NCOR1: variants seen among roughly 807,000 people sequenced by gnomAD.
NCOR1 encodes protein phosphatase 1, regulatory subunit 109.
In NCOR1, 63 loss-of-function variants were observed where a neutral mutation model predicts 288.1. The ratio of observed to expected loss-of-function variants is 0.22; its 90% CI spans 0.18 to 0.27. The LOEUF (loss-of-function observed/expected upper bound fraction) is 0.27. Ranked by LOEUF, NCOR1 falls within the 10% of genes least tolerant of loss-of-function variation. The pLI, the probability that NCOR1 is intolerant of heterozygous loss-of-function variation, is 1.00. For missense variants in NCOR1, 2,397 were observed against 3,019.2 expected (o/e 0.79, Z 4.83); for synonymous variants, 1,007 against 1,065.9 (o/e 0.94, Z 1.08).
chr17:16,196,848 A>C (rs2089933484), intron 1 of NCOR1, among the ~76,000 whole-genome samples: 1 of 146,046 alleles, frequency 6.8e-6, no homozygotes, highest in Non-Finnish European at 1.5e-5. Context: ...AAAGAAAAGA[A>C]AAAAAAAAGA....
chr17:16,146,634 T>C, intron 9 of NCOR1, 86 bp from the exon 10 acceptor site: 1 of 1,216,646 alleles, frequency 8.2e-7, no homozygotes, highest in Middle Eastern at 2.1e-4. Flanking sequence ...ATGCTACTTC[T>C]TAAGGTTAAG....
At chr17:16,123,797 C>T (rs1473575912) in intron 15 of NCOR1, among the ~76,000 whole-genome samples, 9 of 152,168 alleles carry the variant, frequency 5.9e-5, no homozygotes, top group Non-Finnish European at 1.3e-4. Context: ...CTTAACTGGT[C>T]GTCTGTTGAC....
rs750454347 is a variant in NCOR1 at position 16,143,618 on chromosome 17, G to C, written c.1161C>G (p.Leu387=). The C allele has an allele frequency of 1.2e-6, 2 of 1,612,998 alleles. No homozygotes were observed. The highest frequency in any genetic ancestry group is 1.7e-6 in the Non-Finnish European group (2 of 1,179,092). Residue 387 remains leucine (L), a synonymous_variant, in exon 11 of 46, where the codon CTC becomes CTG. Coordinates refer to ENST00000268712, the MANE Select transcript of NCOR1 (RefSeq NM_006311.4). The part of the protein sequence containing the change: ...EHEISEIIDG[L]SEQENNEKQM... ...TTTATTTTCTTACCTCCTGCTCAGA[G>C]AGCCCATCAATAATTTCAGAAATCT...
chr17:16,110,432 T>A (rs894908919), intron 18 of NCOR1, among the ~76,000 whole-genome samples: 5 of 152,206 alleles, frequency 3.3e-5, no homozygotes, highest in African/African-American at 1.2e-4. Flanking sequence ...TTCTGCAAAG[T>A]ATGTTTATGC....
chr17:16,114,167 A>C (rs1342540760), intron 18 of NCOR1, among the ~76,000 whole-genome samples: 1 of 119,624 alleles, frequency 8.4e-6, no homozygotes, highest in Non-Finnish European at 1.9e-5. Flanking sequence ...AAAAAAAAAA[A>C]AACTTGTGCA....
chr17:16,101,804 A>C, intron 19 of NCOR1, 47 bp from the exon 20 acceptor site: 1 of 1,605,810 alleles, frequency 6.2e-7, no homozygotes, highest in Non-Finnish European at 8.5e-7. Context: ...TATTTTCTGC[A>C]CCTTAAAGAT....
chr17:16,046,433 TC>T (rs746665803), intron 42 of NCOR1, among the ~76,000 whole-genome samples: 2 of 152,190 alleles, frequency 1.3e-5, no homozygotes, highest in Non-Finnish European at 2.9e-5. Flanking sequence ...ATTATACTAC[TC>T]TATTTTGTAT....
At chr17:16,140,189 T>G (rs1031310296) in intron 11 of NCOR1, among the ~76,000 whole-genome samples, 6 of 152,168 alleles carry the variant, frequency 3.9e-5, no homozygotes, top group Admixed American at 3.9e-4. Flanking sequence ...TACAGATGTT[T>G]CCTCATGGAA....
chr17:16,091,879 T>C lies in NCOR1; in HGVS notation c.3000A>G (p.Pro1000=), dbSNP rs2065235424. The change falls in exon 22 of 46, where the codon CCA becomes CCG. Residue 1000 remains proline (P), a synonymous_variant. Coordinates refer to ENST00000268712, the MANE Select transcript of NCOR1 (RefSeq NM_006311.4). ...STSPCGTSKS[P]NREWEVLQPA... ...TCTACCTACCTTCCCACTCTCTGTT[T>C]GGACTCTTGGATGTGCCACATGGAC... 1.2e-6 allele frequency: 2 copies of C among 1,614,200 alleles called. No individual in the cohort carries two copies. Among genetic ancestry groups the C allele is most frequent in the Non-Finnish European group, 1.7e-6 (2 of 1,180,034 alleles).
In NCOR1 at chr17:16,095,134, G is replaced by A. The variant is rs542381155; in HGVS notation, c.2821-3076C>T. On this transcript the variant is annotated intron_variant, in intron 21 of 45. Coordinates refer to ENST00000268712, the MANE Select transcript of NCOR1 (RefSeq NM_006311.4). ...TGGGAAGTGAGCAGCGCCTCTTCCC[G>A]GCCGCCATCCCATCTAGGAAGTGAG... is the stretch of plus-strand genomic sequence containing the variant. 7.4e-3 allele frequency among the ~76,000 whole-genome samples: 1,110 copies of A among 150,948 alleles called. 13 individuals carry two copies. The highest frequency in any genetic ancestry group is 9.7e-3 in the African/African-American group (398 of 40,980).
intron 23 of NCOR1, among the ~76,000 whole-genome samples, chr17:16,086,029 ATGCCAAG>A: frequency 6.6e-6 from 1 of 152,356 alleles, no homozygotes; most frequent in South Asian, 2.1e-4. Flanking sequence ...ACCAAGTGGT[ATGCCAAG>A]TGCCAAGTGT....
intron 42 of NCOR1, 146 bp from the exon 43 acceptor site, chr17:16,040,640 A>G: frequency 1.3e-6 from 1 of 795,482 alleles, no homozygotes; most frequent in South Asian, 1.6e-5. Flanking sequence ...TGAAGATAAA[A>G]TGGAAGTATT....
At chr17:16,129,375 C>T (rs796176590) in intron 14 of NCOR1, among the ~76,000 whole-genome samples, 2 of 152,176 alleles carry the variant, frequency 1.3e-5, no homozygotes, top group South Asian at 2.1e-4. Flanking sequence ...GAGAACTGTA[C>T]CTACTATTCT....
chr17:16,109,169 A>G (rs557636485), intron 18 of NCOR1, among the ~76,000 whole-genome samples: 1 of 152,228 alleles, frequency 6.6e-6, no homozygotes, highest in South Asian at 2.1e-4. Flanking sequence ...TCACCACTAT[A>G]CATGTATAAA....
At chr17:16,211,682 GA>G (rs901053765) in intron 1 of NCOR1, among the ~76,000 whole-genome samples, 33 of 146,104 alleles carry the variant, frequency 2.3e-4, no homozygotes, top group East Asian at 1.4e-3. Flanking sequence ...CAAATGCAAA[GA>G]AAAAAAAAAT....
chr17:16,215,480 A>AGCCGCC lies in NCOR1; in HGVS notation c.-195_-190dup, dbSNP rs897883523. On this transcript the variant is annotated 5_prime_UTR_variant, in exon 1 of 46. Transcript: ENST00000268712. ...GCGCGGCGAGTCGGACGCTCACTCC[A>AGCCGCC]GCCGCCGCCGCCGCCGCGGCTGCTG... 3.0e-5 allele frequency: 12 copies of AGCCGCC among 398,196 alleles called. No homozygotes were observed. In the South Asian group the frequency reaches 6.4e-4, roughly 21 times the overall value. 24.7% of individuals were successfully genotyped at this position (398,196 alleles called of 1,614,324 possible). A position where few individuals can be genotyped will look rare whatever the true frequency, so the allele number is the denominator to read the frequency against.
At chr17:16,112,664 T>C (rs1429174589) in intron 18 of NCOR1, among the ~76,000 whole-genome samples, 1 of 152,156 alleles carries the variant, frequency 6.6e-6, no homozygotes, top group Non-Finnish European at 1.5e-5. Flanking sequence ...CTAATTTTTG[T>C]ATTTTTAGTA....
chr17:16,135,378 T>C (rs1268121506), intron 14 of NCOR1, among the ~76,000 whole-genome samples: 1 of 152,168 alleles, frequency 6.6e-6, no homozygotes, highest in Non-Finnish European at 1.5e-5. Context: ...TACATCTTTA[T>C]GAAGCTTGGC....
chr17:16,209,870 G>A (rs1429226880), intron 1 of NCOR1, among the ~76,000 whole-genome samples: 2 of 151,260 alleles, frequency 1.3e-5, no homozygotes, highest in Non-Finnish European at 2.9e-5. Context: ...AGAATCACTT[G>A]AACCTGAGAA....
Sources: gnomAD v4.1 joint callset for allele counts (sites outside exome capture counted in the v4.1 genomes callset) on GRCh38, gnomAD v4.1.1 for gene constraint, MANE v1.5 for transcripts, NCBI Gene and HGNC (gene_info 2026-07-23, HGNC 2026-07-21) for gene names.